The following SLC71A1 variants were observed in gnomAD, a reference collection of about 807,000 sequenced individuals.
SLC71A1 encodes the protein solute carrier family 71 member 1.
the SLC71A1 span, among the ~76,000 whole-genome samples, chr1:100,060,666 T>C: frequency 6.6e-6 from 1 of 151,988 alleles, no homozygotes; most frequent in African/African-American, 2.4e-5. Context: ...CCACCTCTGC[T>C]TGCATTTCTT....
the SLC71A1 span, among the ~76,000 whole-genome samples, chr1:100,045,643 G>A: frequency 6.6e-6 from 1 of 152,112 alleles, no homozygotes; most frequent in African/African-American, 2.4e-5. Context: ...GGGATACTGG[G>A]GTATCCATTA....
chr1:100,055,383 C>G, the SLC71A1 span, among the ~76,000 whole-genome samples: 22 of 136,332 alleles, frequency 1.6e-4, no homozygotes, highest in African/African-American at 6.1e-4. Context: ...TGGCAACTTT[C>G]TCTTTGTGTG....
At chr1:100,039,743 A>G in the SLC71A1 span, among the ~76,000 whole-genome samples, 1 of 152,230 alleles carries the variant, frequency 6.6e-6, no homozygotes, top group Non-Finnish European at 1.5e-5. Context: ...TGGCAATGAA[A>G]GATTGTATTT....
At chr1:100,040,072 G>C in the SLC71A1 span, among the ~76,000 whole-genome samples, 1 of 152,126 alleles carries the variant, frequency 6.6e-6, no homozygotes, top group African/African-American at 2.4e-5. Context: ...TGTGAACATG[G>C]GGGCTATTAT....
chr1:100,054,041 CTT>C, the SLC71A1 span, among the ~76,000 whole-genome samples: 4 of 133,272 alleles, frequency 3.0e-5, no homozygotes, highest in Non-Finnish European at 4.8e-5. Flanking sequence ...TTTTTCTTTC[CTT>C]TTTTTTTTTT....
the SLC71A1 span, among the ~76,000 whole-genome samples, chr1:100,039,735 G>A: frequency 1.3e-5 from 2 of 152,158 alleles, no homozygotes; most frequent in African/African-American, 4.8e-5. Flanking sequence ...CAAAATAGTG[G>A]CAATGAAAGA....
At chr1:100,046,633 T>C in the SLC71A1 span, among the ~76,000 whole-genome samples, 1 of 152,208 alleles carries the variant, frequency 6.6e-6, no homozygotes, top group African/African-American at 2.4e-5. Context: ...ATGTCATTTG[T>C]AGTTTGATAG....
the SLC71A1 span, among the ~76,000 whole-genome samples, chr1:100,050,278 T>C: frequency 6.6e-6 from 1 of 152,172 alleles, no homozygotes; most frequent in Non-Finnish European, 1.5e-5. Context: ...TGGAAGAGAT[T>C]CTTAAACCGA....
At chr1:100,061,109 T>A in the SLC71A1 span, among the ~76,000 whole-genome samples, 1 of 152,302 alleles carries the variant, frequency 6.6e-6, no homozygotes. Flanking sequence ...AAAATTTTAG[T>A]AGTGATAGTC....
the SLC71A1 span, among the ~76,000 whole-genome samples, chr1:100,055,670 G>A: frequency 2.6e-5 from 4 of 152,142 alleles, no homozygotes; most frequent in East Asian, 1.9e-4. Flanking sequence ...TAATAATTAC[G>A]TCAGGGTAAA....
the SLC71A1 span, among the ~76,000 whole-genome samples, chr1:100,063,917 T>A: frequency 3.3e-5 from 5 of 152,180 alleles, no homozygotes; most frequent in Non-Finnish European, 7.3e-5. Flanking sequence ...TGTACTGACT[T>A]GCTCACTGTG....
At chr1:100,045,950 C>T in the SLC71A1 span, among the ~76,000 whole-genome samples, 8 of 152,052 alleles carry the variant, frequency 5.3e-5, no homozygotes, top group Non-Finnish European at 1.0e-4. Flanking sequence ...TTGTACATGG[C>T]AAGAGGTAGG....
the SLC71A1 span, among the ~76,000 whole-genome samples, chr1:100,042,513 T>C: frequency 6.6e-6 from 1 of 152,126 alleles, no homozygotes; most frequent in Non-Finnish European, 1.5e-5. Flanking sequence ...CTCTCTGGGA[T>C]GTAGGGCCTT....
At chr1:100,042,876 G>C in the SLC71A1 span, among the ~76,000 whole-genome samples, 1 of 151,802 alleles carries the variant, frequency 6.6e-6, no homozygotes, top group South Asian at 2.1e-4. Flanking sequence ...TTCCAAAGTG[G>C]GATTACAGGT....
chr1:100,082,026 C>T, the SLC71A1 span: 1 of 1,613,144 alleles, frequency 6.2e-7, no homozygotes, highest in Admixed American at 1.7e-5. Context: ...CTGGCCCTCC[C>T]TTCCTATTTG....
At chr1:100,051,332 A>T in the SLC71A1 span, among the ~76,000 whole-genome samples, 20 of 152,232 alleles carry the variant, frequency 1.3e-4, no homozygotes, top group Admixed American at 3.3e-4. Flanking sequence ...TGGAGGTTGC[A>T]GTGAGCCGAG....
At chr1:100,065,448 C>T in the SLC71A1 span, among the ~76,000 whole-genome samples, 1 of 150,580 alleles carries the variant, frequency 6.6e-6, no homozygotes, top group African/African-American at 2.4e-5. Flanking sequence ...TTTTCCTTTC[C>T]TTCCCTTCCC....
chr1:100,076,206 G>A, the SLC71A1 span, among the ~76,000 whole-genome samples: 1 of 152,070 alleles, frequency 6.6e-6, no homozygotes, highest in African/African-American at 2.4e-5. Context: ...TTCTTAAGTG[G>A]CCATCTCAAT....
chr1:100,060,064 T>A, the SLC71A1 span: 3 of 1,453,610 alleles, frequency 2.1e-6, no homozygotes, highest in Non-Finnish European at 1.9e-6. Context: ...GTTTTCTTAA[T>A]GTTCCTTTAT....
Sources: gnomAD v4.1 joint callset for allele counts (sites outside exome capture counted in the v4.1 genomes callset) on GRCh38, gnomAD v4.1.1 for gene constraint, MANE v1.5 for transcripts, NCBI Gene and HGNC (gene_info 2026-07-23, HGNC 2026-07-21) for gene names.